Variants in SPIRE2 observed in about 807,000 individuals in gnomAD.
The protein encoded by SPIRE2 is protein spire homolog 2.
Under a neutral mutation model 80.7 loss-of-function variants are expected in SPIRE2, and 76 were observed. The observed-to-expected ratio is 0.94, with a 90% CI of 0.78 to 1.14. The LOEUF is 1.14. Ranked by LOEUF, SPIRE2 falls within the 50% of genes most tolerant of loss-of-function variation. The probability of loss-of-function intolerance (pLI) is 0.00; values close to 1 mark genes in which losing one functional copy is unlikely to be tolerated. For missense variants in SPIRE2, 1,196 were observed against 1,015.3 expected, an observed-to-expected ratio of 1.18 and a Z score of -2.42; for synonymous variants, 535 against 432.6, an observed-to-expected ratio of 1.24 and a Z score of -2.94.
At chr16:89,858,241 C>T in intron 7 of SPIRE2, 97 bp from the exon 8 acceptor site, 1 of 1,282,954 alleles carries the variant, frequency 7.8e-7, no homozygotes, top group Non-Finnish European at 1.1e-6. Flanking sequence ...TCTGCAAAGT[C>T]AGGGAATTAA....
At position 89,868,249 on chromosome 16, in the gene SPIRE2, C is replaced by T. The variant is rs761711100; in HGVS notation, c.1806+33C>T. 3.1e-6 allele frequency: 5 copies of T among 1,612,188 alleles called. No homozygotes were observed. In the South Asian group the frequency reaches 5.5e-5, roughly 18 times the overall value. On this transcript the variant is annotated intron_variant, in intron 13 of 14. Transcript: ENST00000378247. ...CCATGTGGGATCTCTGGGGTCTGAG[C>T]AAGGCAGATGAGGGGCTCCACTGGC...
intron 2 of SPIRE2, chr16:89,850,093 C>T (rs2041607260): frequency 8.7e-6 from 6 of 690,164 alleles, no homozygotes; most frequent in South Asian, 7.6e-5. Flanking sequence ...GCCTCGGCCT[C>T]CCAAAGTGCT....
rs760915791 is a variant in SPIRE2, at chr16:89,870,418, C to T, written c.*146C>T. ...TCTATATATTTATATACACTGTTTC[C>T]TGGCCCCAGAGCTCATTTGGGTTCA... On this transcript the variant is annotated 3_prime_UTR_variant, in exon 15 of 15. Transcript: ENST00000378247. 6.7e-6 allele frequency: 4 copies of T among 593,196 alleles called. No individual in the cohort carries two copies. The highest frequency in any genetic ancestry group is 8.8e-6 in the Non-Finnish European group (3 of 339,454). 36.7% of individuals were successfully genotyped at this position (593,196 alleles called of 1,614,324 possible). A position where few individuals can be genotyped will look rare whatever the true frequency, so the allele number is the denominator to read the frequency against.
chr16:89,831,938 C>T (rs945022403), intron 1 of SPIRE2, among the ~76,000 whole-genome samples: 2 of 139,238 alleles, frequency 1.4e-5, no homozygotes, highest in Admixed American at 6.8e-5. Context: ...GTGTTCTAAA[C>T]AGAAACATCC....
chr16:89,834,620 G>A (rs1466483027), intron 1 of SPIRE2, among the ~76,000 whole-genome samples: 41 of 116,028 alleles, frequency 3.5e-4, no homozygotes, highest in Middle Eastern at 9.3e-3. Flanking sequence ...GCCCGCACTC[G>A]CGGTTGGCCG....
chr16:89,844,052 C>G (rs1336803545), intron 1 of SPIRE2, among the ~76,000 whole-genome samples: 1 of 149,930 alleles, frequency 6.7e-6, no homozygotes, highest in African/African-American at 2.5e-5. Context: ...CTGGTGTGCA[C>G]TGGTGCAATC....
intron 3 of SPIRE2, 125 bp from the exon 4 acceptor site, chr16:89,854,161 G>C (rs2041664610): frequency 2.3e-6 from 2 of 883,980 alleles, no homozygotes; most frequent in East Asian, 2.7e-5. Context: ...AAAATGCCCA[G>C]CTGTCTCTTT....
In SPIRE2 at chr16:89,838,237, T is replaced by C. The variant is rs1040883510; in HGVS notation, c.245-7085T>C. Among the ~76,000 whole-genome samples, 36 of 147,706 alleles carry C rather than the reference T, an allele frequency of 2.4e-4. No homozygotes were observed. The Admixed American group carries it at 2.5e-3, about 10-fold the overall frequency. ...TTACCACATTGCCCAGGCTGGAGTG[T>C]AGTGGTGCAATCTCAGCTCACTGCA... is the stretch of plus-strand genomic sequence containing the variant. On this transcript the variant is annotated intron_variant, in intron 1 of 14. Coordinates refer to ENST00000378247, the MANE Select transcript of SPIRE2 (RefSeq NM_032451.2).
At chr16:89,856,707 G>T (rs1406246838) in intron 7 of SPIRE2, among the ~76,000 whole-genome samples, 1 of 148,622 alleles carries the variant, frequency 6.7e-6, no homozygotes, top group Non-Finnish European at 1.5e-5. Flanking sequence ...TGATCTGCCT[G>T]CCTTGGCCTC....
At chr16:89,856,077 T>TTCCCCACCGCAGGTCCC (rs753881041) in intron 6 of SPIRE2, 36 bp from the exon 7 acceptor site, 13 of 1,594,942 alleles carry the variant, frequency 8.2e-6, no homozygotes, top group East Asian at 2.3e-5. Context: ...CCGCAGGTCC[T>TTCCCCACCGCAGGTCCC]GCTTCCCCAC....
chr16:89,858,437 A>G lies in SPIRE2; in HGVS notation c.1202A>G (p.Gln401Arg). 1.2e-6 allele frequency: 2 copies of G among 1,611,876 alleles called. No individual in the cohort carries two copies. The highest frequency in any genetic ancestry group is 1.7e-6 in the Non-Finnish European group (2 of 1,179,586). The change falls in exon 8 of 15, where the codon CAG becomes CGG. Residue 401 changes from glutamine (Q) to arginine (R), a missense_variant. Transcript: ENST00000378247. ...GTCACAGATGCTGGGGGCAGCGCCC[A>G]GCGCCCGCGGCCCCGCGTGCTGCTC... ...LSVTDAGGSA[Q>R]RPRPRVLLKA...
chr16:89,829,828 G>A lies in SPIRE2; in HGVS notation c.244+1034G>A, dbSNP rs140302883. On this transcript the variant is annotated intron_variant, in intron 1 of 14. Transcript: ENST00000378247. Reference sequence around the variant, plus strand: ...GGAGAAACCTGAGGCGCAGGCTTGCGCTGGCACTCAGACAGTGGCAGCGTT... The same window carrying A: ...GGAGAAACCTGAGGCGCAGGCTTGCACTGGCACTCAGACAGTGGCAGCGTT... Among the ~76,000 whole-genome samples the A allele has an allele frequency of 2.4e-4, 36 of 151,582 alleles. 1 individual carries two copies. The highest frequency in any genetic ancestry group is 3.4e-3 in the Middle Eastern group (1 of 294).
intron 8 of SPIRE2, among the ~76,000 whole-genome samples, 162 bp from the exon 9 acceptor site, chr16:89,859,003 G>A (rs2041718173): frequency 6.6e-6 from 1 of 152,148 alleles, no homozygotes; most frequent in African/African-American, 2.4e-5. Flanking sequence ...TCGGGTGCTT[G>A]CCACGAACTG....
chr16:89,865,232 C>T (rs929758308), intron 12 of SPIRE2, among the ~76,000 whole-genome samples: 2 of 151,892 alleles, frequency 1.3e-5, no homozygotes, highest in Admixed American at 6.6e-5. Context: ...GGTCTCGATC[C>T]CCTGACCTCA....
In SPIRE2 at chr16:89,870,117, G is replaced by T. The variant is rs148201713; in HGVS notation, c.1990G>T (p.Val664Phe). Residue 664 changes from valine to phenylalanine, a missense_variant, in exon 15 of 15, where the codon GTC (valine) becomes TTC (phenylalanine). Transcript: ENST00000378247. ...AFPHIYSHGC[V>F]LKDVCSECTS... ...CCCCCACATCTACTCCCACGGCTGT[G>T]TCCTGAAGGATGTCTGCAGTGAGTG... The T allele has an allele frequency of 2.5e-6, 4 of 1,613,574 alleles. No individual in the cohort carries two copies. The highest frequency in any genetic ancestry group is 3.4e-6 in the Non-Finnish European group (4 of 1,179,846).
At chr16:89,841,677 C>T (rs149940390) in intron 1 of SPIRE2, among the ~76,000 whole-genome samples, 9 of 152,040 alleles carry the variant, frequency 5.9e-5, no homozygotes, top group East Asian at 5.8e-4. Flanking sequence ...GGGATGGCTG[C>T]GCAGATAGAG....
intron 1 of SPIRE2, among the ~76,000 whole-genome samples, chr16:89,840,683 T>G (rs565626687): frequency 1.4e-5 from 2 of 147,660 alleles, no homozygotes; most frequent in South Asian, 4.3e-4. Context: ...TCGCCCAGGC[T>G]GGAGTGCAAT....
At chr16:89,831,399 CTT>C (rs59083711) in intron 1 of SPIRE2, among the ~76,000 whole-genome samples, 23 of 131,828 alleles carry the variant, frequency 1.7e-4, no homozygotes, top group Admixed American at 3.0e-4. Flanking sequence ...TTCTTTCTTT[CTT>C]TTTTTTTTTT....
intron 7 of SPIRE2, 76 bp from the exon 8 acceptor site, chr16:89,858,262 G>A (rs907325185): frequency 2.9e-6 from 4 of 1,394,914 alleles, no homozygotes; most frequent in South Asian, 1.6e-5. Flanking sequence ...GCCAGCTGGT[G>A]CACACAAAGC....
Sources: gnomAD v4.1 joint callset for allele counts (sites outside exome capture counted in the v4.1 genomes callset) on GRCh38, gnomAD v4.1.1 for gene constraint, MANE v1.5 for transcripts, NCBI Gene and HGNC (gene_info 2026-07-23, HGNC 2026-07-21) for gene names.